The following ADAMTS3 variants were observed in gnomAD, a reference collection of about 807,000 sequenced individuals.
The protein encoded by ADAMTS3 is A disintegrin and metalloproteinase with thrombospondin motifs 3.
Under a neutral mutation model 129.0 loss-of-function variants are expected in ADAMTS3, and 73 were observed. The ratio of observed to expected loss-of-function variants is 0.57; its 90% confidence interval spans 0.47 to 0.69. The LOEUF is 0.69. Among genes scored for constraint, ADAMTS3 ranks in the 30% least tolerant of loss-of-function variants. ADAMTS3 has a pLI of 0.00. For missense variants in ADAMTS3, 1,457 were observed against 1,514.5 expected, an observed-to-expected ratio of 0.96 and a Z score of 0.63; for synonymous variants, 477 against 510.8, an observed-to-expected ratio of 0.93 and a Z score of 0.89.
intron 4 of ADAMTS3, among the ~76,000 whole-genome samples, chr4:72,405,459 A>C (rs1440246695): frequency 2.0e-5 from 3 of 152,166 alleles, no homozygotes; most frequent in Non-Finnish European, 4.4e-5. Flanking sequence ...TTTAAAAAAA[A>C]CAGATTTGTA....
intron 3 of ADAMTS3, among the ~76,000 whole-genome samples, chr4:72,519,407 C>A (rs1189651998): frequency 6.6e-6 from 1 of 152,194 alleles, no homozygotes; most frequent in Non-Finnish European, 1.5e-5. Flanking sequence ...TGGGGAAGTT[C>A]TCCTGGATAA....
At chr4:72,304,184 T>C in intron 16 of ADAMTS3, 104 bp from the exon 17 acceptor site, 1 of 1,142,150 alleles carries the variant, frequency 8.8e-7, no homozygotes, top group Non-Finnish European at 1.2e-6. Context: ...TGACCATGTT[T>C]CTTTATTAGT....
At position 72,550,000 on chromosome 4, in the gene ADAMTS3, GGAA is replaced by G. The variant is rs1167934145; in HGVS notation, c.98-1119_98-1117del. Among the ~76,000 whole-genome samples the G allele has an allele frequency of 8.2e-4, 8 of 9,762 alleles. 1 individual carries two copies. Among genetic ancestry groups the G allele is most frequent in the African/African-American group, 4.3e-3 (8 of 1,878 alleles). 6.4% of individuals were successfully genotyped at this position (9,762 alleles called of 152,430 possible). On this transcript the variant is annotated intron_variant, in intron 2 of 21. Coordinates refer to ENST00000286657, the MANE Select transcript of ADAMTS3 (RefSeq NM_014243.3). ...AAGAAGAAGAAGAAGAAGAGGAAGA[GGAA>G]GAAGAAGAAGAAGAAGAAGAAGAAG...
rs1721141551 is a variant in ADAMTS3, at chr4:72,534,627, A to G, written c.504+13851T>C. ...TTATTAAAAAGTAGAAAAAGTGATCACTATACAGTTTGGTTTACAAACCAT... is the reference window on the plus strand; with the variant it reads ...TTATTAAAAAGTAGAAAAAGTGATCGCTATACAGTTTGGTTTACAAACCAT... On this transcript the variant is annotated intron_variant, in intron 3 of 21. Coordinates refer to ENST00000286657, the MANE Select transcript of ADAMTS3 (RefSeq NM_014243.3). 6.6e-5 allele frequency among the ~76,000 whole-genome samples: 10 copies of G among 152,208 alleles called. No homozygotes were observed. The South Asian group carries it at 2.1e-3, about 32-fold the overall frequency.
At chr4:72,514,036 A>G (rs1457476966) in intron 3 of ADAMTS3, among the ~76,000 whole-genome samples, 1 of 151,988 alleles carries the variant, frequency 6.6e-6, no homozygotes, top group African/African-American at 2.4e-5. Context: ...TAATCATTCT[A>G]TTCTGTCCTC....
At chr4:72,529,983 A>AATGTATTATATTTATATATAATATATT (rs1720939796) in intron 3 of ADAMTS3, among the ~76,000 whole-genome samples, 1 of 33,316 alleles carries the variant, frequency 3.0e-5, no homozygotes, top group African/African-American at 1.2e-4. Flanking sequence ...ATATAAATAT[A>AATGTATTATATTTATATATAATATATT]ATATATTATA....
chr4:72,530,236 T>C (rs1432317948), intron 3 of ADAMTS3, among the ~76,000 whole-genome samples: 1 of 79,754 alleles, frequency 1.3e-5, no homozygotes, highest in African/African-American at 5.0e-5. Flanking sequence ...ATTATATATA[T>C]TAAATATATA....
At chr4:72,506,690 C>G (rs766453245) in intron 3 of ADAMTS3, among the ~76,000 whole-genome samples, 2 of 152,156 alleles carry the variant, frequency 1.3e-5, no homozygotes, top group African/African-American at 2.4e-5. Flanking sequence ...AGAAACAGAG[C>G]GTTCTTCCTT....
intron 3 of ADAMTS3, among the ~76,000 whole-genome samples, chr4:72,453,691 A>G (rs1011614791): frequency 6.6e-6 from 1 of 151,648 alleles, no homozygotes; most frequent in African/African-American, 2.4e-5. Flanking sequence ...TATAGAGGCC[A>G]TCCTCAGGAT....
intron 4 of ADAMTS3, among the ~76,000 whole-genome samples, chr4:72,369,662 G>T (rs1720955053): frequency 6.7e-6 from 1 of 150,122 alleles, no homozygotes; most frequent in African/African-American, 2.5e-5. Context: ...AGTTAGCCAA[G>T]ATTGCACCAC....
intron 3 of ADAMTS3, among the ~76,000 whole-genome samples, chr4:72,525,466 C>T (rs187089541): frequency 1.3e-5 from 2 of 152,248 alleles, no homozygotes; most frequent in Non-Finnish European, 2.9e-5. Flanking sequence ...CATGCTGTAG[C>T]ATGGAATAGT....
At chr4:72,402,612 G>C (rs1334913282) in intron 4 of ADAMTS3, among the ~76,000 whole-genome samples, 1 of 152,062 alleles carries the variant, frequency 6.6e-6, no homozygotes. Context: ...TTATTAAAGA[G>C]ATATATGTTA....
Position 72,567,544 on chromosome 4 carries a change from C to A in ADAMTS3, c.70-143G>T, listed in dbSNP as rs537891985. 3.6e-5 allele frequency: 28 copies of A among 774,640 alleles called. No individual in the cohort carries two copies. In the African/African-American group the frequency reaches 4.2e-4, roughly 12 times the overall value. 48.0% of individuals were successfully genotyped at this position (774,640 alleles called of 1,614,324 possible). On this transcript the variant is annotated intron_variant, in intron 1 of 21. Coordinates refer to ENST00000286657, the MANE Select transcript of ADAMTS3 (RefSeq NM_014243.3). ...GACTGGGATTGGTGCCTAAAGCCTGCACCTTGGTTTGTAGAAGGTTCCATG... is the reference window on the plus strand; with the variant it reads ...GACTGGGATTGGTGCCTAAAGCCTGAACCTTGGTTTGTAGAAGGTTCCATG...
At chr4:72,505,483 A>G (rs777041768) in intron 3 of ADAMTS3, among the ~76,000 whole-genome samples, 5 of 152,144 alleles carry the variant, frequency 3.3e-5, no homozygotes, top group Non-Finnish European at 5.9e-5. Context: ...TTTACTGGTA[A>G]AAGCTGTCTG....
At chr4:72,539,844 C>T (rs892434686) in intron 3 of ADAMTS3, among the ~76,000 whole-genome samples, 5 of 152,136 alleles carry the variant, frequency 3.3e-5, no homozygotes, top group Non-Finnish European at 5.9e-5. Flanking sequence ...CCTTGCCTTC[C>T]GCCATGATTG....
Position 72,320,819 on chromosome 4 carries a change from A to G in ADAMTS3, c.997T>C (p.Cys333Arg). ...GNPSRSLENV[C>R]RWASQQQRSD... The stretch of plus-strand genomic sequence containing the variant: ...CTTTGCTGTTGGGACGCCCAGCGAC[A>G]CACATTCTCCAAGCTTCTGGATGGG... The change falls in exon 7 of 22, where the codon TGT (cysteine) becomes CGT (arginine). Residue 333 changes from cysteine (C) to arginine (R), a missense_variant. Coordinates refer to ENST00000286657, the MANE Select transcript of ADAMTS3 (RefSeq NM_014243.3). 1 of 1,614,026 alleles carries G rather than the reference A, an allele frequency of 6.2e-7. No individual in the cohort carries two copies. The highest frequency in any genetic ancestry group is 8.5e-7 in the Non-Finnish European group (1 of 1,179,924).
rs911251690 is a variant in ADAMTS3, at chr4:72,374,027, G to A, written c.662-34334C>T. On this transcript the variant is annotated intron_variant, in intron 4 of 21. Coordinates refer to ENST00000286657, the MANE Select transcript of ADAMTS3 (RefSeq NM_014243.3). ...GCACTCTAGAAAAATATAAGGTTAT[G>A]TGAGGCACTCATGAATAAGACTAAT... Among the ~76,000 whole-genome samples the A allele has an allele frequency of 8.6e-5, 13 of 151,730 alleles. 1 individual carries two copies. Among genetic ancestry groups the A allele is most frequent in the Admixed American group, 8.6e-4 (13 of 15,196 alleles).
intron 3 of ADAMTS3, among the ~76,000 whole-genome samples, chr4:72,496,503 T>C (rs1719876357): frequency 6.6e-6 from 1 of 152,126 alleles, no homozygotes; most frequent in Non-Finnish European, 1.5e-5. Context: ...TGGATATTAA[T>C]CTTCACAAGC....
intron 3 of ADAMTS3, among the ~76,000 whole-genome samples, chr4:72,440,902 A>AT (rs1718096315): frequency 6.6e-6 from 1 of 151,704 alleles, no homozygotes. Context: ...TGTGTATGTC[A>AT]TTTTTTATCT....
Sources: gnomAD v4.1 joint callset for allele counts (sites outside exome capture counted in the v4.1 genomes callset) on GRCh38, gnomAD v4.1.1 for gene constraint, MANE v1.5 for transcripts, NCBI Gene and HGNC (gene_info 2026-07-23, HGNC 2026-07-21) for gene names.